Variants in IL23R observed in about 807,000 individuals in gnomAD.
IL23R encodes interleukin-23 receptor.
A neutral mutation model predicts 56.9 loss-of-function variants in IL23R; 34 were observed. The ratio of observed to expected loss-of-function variants is 0.60; its 90% CI spans 0.45 to 0.80. The LOEUF is 0.80. Ranked by LOEUF, IL23R falls within the 30% of genes least tolerant of loss-of-function variation. The pLI, the probability that IL23R is intolerant of heterozygous loss-of-function variation, is 0.00. For synonymous variants in IL23R, 230 were observed against 249.2 expected (o/e 0.92, Z 0.73); for missense variants, 635 against 730.0 (o/e 0.87, Z 1.50).
At position 67,216,337 on chromosome 1, in the gene IL23R, CTATTAT is replaced by C. The variant is rs144468126; in HGVS notation, c.799-3226_799-3221del. On this transcript the variant is annotated intron_variant, in intron 6 of 10. Transcript: ENST00000347310. ...TAATATTTTGAAACATTAGCTATTA[CTATTAT>C]TATTATTATTTGTCTAATGGTGTCC... 8.7e-4 allele frequency among the ~76,000 whole-genome samples: 132 copies of C among 152,070 alleles called. 1 individual carries two copies. The highest frequency in any genetic ancestry group is 2.5e-3 in the South Asian group (12 of 4,820).
intron 7 of IL23R, among the ~76,000 whole-genome samples, chr1:67,227,950 CTTTCTTTCTTTCTTTCTT>C (rs1249890749): frequency 0.032 from 1,990 of 62,728 alleles, 127 homozygotes; most frequent in South Asian, 0.059. Context: ...ATCTTTCTTT[CTTTCTTTCTTTCTTTCTT>C]TCTTTCTTTC....
At chr1:67,258,002 C>T (rs1291111111) in intron 10 of IL23R, among the ~76,000 whole-genome samples, 3 of 151,918 alleles carry the variant, frequency 2.0e-5, no homozygotes, top group Admixed American at 1.3e-4. Flanking sequence ...TTTAGAACCT[C>T]GGCATCAAGC....
At chr1:67,173,073 A>T (rs1164606180) in intron 3 of IL23R, among the ~76,000 whole-genome samples, 1 of 151,800 alleles carries the variant, frequency 6.6e-6, no homozygotes, top group Non-Finnish European at 1.5e-5. Context: ...ATAATAGGGG[A>T]GGGGTGGGAT....
chr1:67,235,325 C>T (rs1185679871), intron 7 of IL23R, among the ~76,000 whole-genome samples: 2 of 152,160 alleles, frequency 1.3e-5, no homozygotes, highest in African/African-American at 2.4e-5. Flanking sequence ...TAAAATCCCT[C>T]ACCCACTGTT....
intron 6 of IL23R, among the ~76,000 whole-genome samples, chr1:67,215,146 C>T (rs114683789): frequency 0.016 from 2,395 of 152,186 alleles, 62 homozygotes; most frequent in African/African-American, 0.055. Flanking sequence ...GGTAGATTGC[C>T]GATGCTCCCA....
rs1050839043 is a variant in IL23R, at chr1:67,206,758, T to C, written c.653-152T>C. 21 of 872,458 alleles carry C rather than the reference T, an allele frequency of 2.4e-5. No homozygotes were observed. The African/African-American group carries it at 3.3e-4, about 14-fold the overall frequency. 54.0% of individuals were successfully genotyped at this position (872,458 alleles called of 1,614,324 possible). ...TTCTTCTATGTAACAAATTAGCAAA[T>C]AAGAAAATGTCCATAATTGTTCATT... is the stretch of plus-strand genomic sequence containing the variant. On this transcript the variant is annotated intron_variant, in intron 5 of 10. Transcript: ENST00000347310.
chr1:67,144,326 T>C (rs1464077989), intron 1 of IL23R, among the ~76,000 whole-genome samples: 1 of 152,220 alleles, frequency 6.6e-6, no homozygotes, highest in Admixed American at 6.5e-5. Flanking sequence ...GTCTGATTTG[T>C]CTCTTTTATA....
intron 1 of IL23R, among the ~76,000 whole-genome samples, chr1:67,140,636 T>C (rs1049949502): frequency 1.3e-5 from 2 of 152,220 alleles, no homozygotes; most frequent in African/African-American, 4.8e-5. Context: ...CCTTAAAAAA[T>C]GTATTAATCT....
At chr1:67,155,752 G>T (rs1350456464) in intron 1 of IL23R, among the ~76,000 whole-genome samples, 1 of 151,966 alleles carries the variant, frequency 6.6e-6, no homozygotes, top group East Asian at 1.9e-4. Context: ...CCTTTATCTT[G>T]GCAGTTTGTT....
intron 8 of IL23R, 102 bp downstream of exon 8, chr1:67,236,904 A>G (rs548225312): frequency 7.9e-6 from 6 of 764,092 alleles, no homozygotes; most frequent in South Asian, 7.2e-5. Flanking sequence ...TTTCTGGACA[A>G]TAAGATATGC....
intron 1 of IL23R, among the ~76,000 whole-genome samples, chr1:67,154,903 G>A (rs1474320097): frequency 6.6e-6 from 1 of 152,084 alleles, no homozygotes; most frequent in Non-Finnish European, 1.5e-5. Flanking sequence ...TTATATTTTG[G>A]CATGTTTTTG....
intron 1 of IL23R, among the ~76,000 whole-genome samples, chr1:67,158,535 C>A (rs1364849418): frequency 6.6e-6 from 1 of 152,092 alleles, no homozygotes; most frequent in South Asian, 2.1e-4. Flanking sequence ...AAAAGCGTGG[C>A]AACTCACAGG....
At chr1:67,164,108 A>G (rs549423624), upstream of IL23R, among the ~76,000 whole-genome samples, 196 of 152,360 alleles carry the variant, frequency 1.3e-3, 2 homozygotes, top group Middle Eastern at 0.01. Context: ...CAAATCATTT[A>G]TCTGATAAAA....
intron 9 of IL23R, among the ~76,000 whole-genome samples, chr1:67,253,035 G>A (rs1156905891): frequency 2.0e-5 from 3 of 152,154 alleles, no homozygotes; most frequent in Non-Finnish European, 4.4e-5. Context: ...TTAGGTTACA[G>A]TTCATCCACA....
chr1:67,178,202 C>T (rs1450065884), intron 3 of IL23R, among the ~76,000 whole-genome samples: 1 of 151,950 alleles, frequency 6.6e-6, no homozygotes, highest in African/African-American at 2.4e-5. Context: ...TATAAATTAC[C>T]TTGGGCAGTA....
At chr1:67,201,551 CAAA>C (rs1231175917) in intron 5 of IL23R, among the ~76,000 whole-genome samples, 1 of 85,374 alleles carries the variant, frequency 1.2e-5, no homozygotes, top group Non-Finnish European at 2.6e-5. Flanking sequence ...CTAGGGAAGG[CAAA>C]AAAAAAAAAA....
chr1:67,173,767 A>G (rs1336924676), intron 3 of IL23R, among the ~76,000 whole-genome samples: 2 of 152,198 alleles, frequency 1.3e-5, no homozygotes, highest in Non-Finnish European at 2.9e-5. Context: ...TAGACCAGCA[A>G]AAAAGAAATA....
Position 67,168,148 on chromosome 1 carries a change from G to A in IL23R, c.28G>A (p.Ala10Thr), listed in dbSNP as rs769230441. 5.6e-6 allele frequency: 9 copies of A among 1,611,962 alleles called. 1 individual carries two copies. The Admixed American group carries it at 6.7e-5, about 12-fold the overall frequency. MNQVTIQWDAVIALYILFSW... is the reference protein window; with the variant it reads MNQVTIQWDTVIALYILFSW... ...GAATCAGGTCACTATTCAATGGGAT[G>A]CAGTAATAGCCCTTTACATACTCTT... Residue 10 changes from alanine (A) to threonine (T), a missense_variant, in exon 2 of 11, where the codon GCA becomes ACA. By Grantham distance (58) the Ala-to-Thr change is moderately conservative. Coordinates refer to ENST00000347310, the MANE Select transcript of IL23R (RefSeq NM_144701.3).
At chr1:67,190,777 G>A (rs1016454074) in intron 4 of IL23R, among the ~76,000 whole-genome samples, 4 of 152,128 alleles carry the variant, frequency 2.6e-5, no homozygotes, top group African/African-American at 7.2e-5. Context: ...GGATTTTCAC[G>A]CACCGTAGAA....
Sources: gnomAD v4.1 joint callset for allele counts (sites outside exome capture counted in the v4.1 genomes callset) on GRCh38, gnomAD v4.1.1 for gene constraint, MANE v1.5 for transcripts, NCBI Gene and HGNC (gene_info 2026-07-23, HGNC 2026-07-21) for gene names.